CHN2: variants seen among roughly 807,000 people sequenced by gnomAD.
CHN2 encodes chimerin 2.
In CHN2, 35 loss-of-function variants were observed where a neutral mutation model predicts 56.3. That is an observed-to-expected ratio of 0.62 (90% confidence interval 0.47 to 0.82). The LOEUF (loss-of-function observed/expected upper bound fraction) is 0.82, where lower values mean the gene tolerates loss of function less well. Among genes scored for constraint, CHN2 ranks in the 40% least tolerant of loss-of-function variants. The pLI, the probability that CHN2 is intolerant of heterozygous loss-of-function variation, is 0.00. For missense variants in CHN2, 491 were observed against 580.5 expected, an observed-to-expected ratio of 0.85 and a Z score of 1.58; for synonymous variants, 210 against 212.8, an observed-to-expected ratio of 0.99 and a Z score of 0.12.
chr7:29,385,656 T>C (rs535747791), intron 3 of CHN2, among the ~76,000 whole-genome samples: 1 of 152,160 alleles, frequency 6.6e-6, no homozygotes, highest in Non-Finnish European at 1.5e-5. Context: ...CAGAGAACAA[T>C]GTGACGAGAT....
chr7:29,183,622 C>T (rs1170572314), intron 2 of CHN2, among the ~76,000 whole-genome samples: 6 of 151,900 alleles, frequency 3.9e-5, no homozygotes, highest in East Asian at 1.9e-4. Context: ...AGTGGTCTGC[C>T]GGTCTTGGCC....
Position 29,326,918 on chromosome 7 carries a change from C to A in CHN2, c.50-27707C>A, listed in dbSNP as rs185768178. Among the ~76,000 whole-genome samples, 22 of 152,224 alleles carry A rather than the reference C, an allele frequency of 1.4e-4. No individual in the cohort carries two copies. The East Asian group carries it at 3.9e-3, about 27-fold the overall frequency. On this transcript the variant is annotated intron_variant, in intron 1 of 12. Coordinates refer to ENST00000222792, the MANE Select transcript of CHN2 (RefSeq NM_004067.4). ...GCTTTAATGGGTTACCTCAATTAAC[C>A]CTTAAATTAATCCTATAGGATAGAT...
At chr7:29,250,175 A>G (rs1283486286) in intron 1 of CHN2, among the ~76,000 whole-genome samples, 1 of 152,258 alleles carries the variant, frequency 6.6e-6, no homozygotes, top group Admixed American at 6.5e-5. Flanking sequence ...GGATGAAAGA[A>G]AGAGAGCAGG....
rs112573068 is a variant in CHN2, at chr7:29,240,064, A to G, written c.49+45074A>G. ...CCCGCAGGCAGCCACCCTTTTACCAATGATGATCCCACTGAATGGGCTGAC... is the reference window on the plus strand; with the variant it reads ...CCCGCAGGCAGCCACCCTTTTACCAGTGATGATCCCACTGAATGGGCTGAC... On this transcript the variant is annotated intron_variant, in intron 1 of 12. Coordinates refer to ENST00000222792, the MANE Select transcript of CHN2 (RefSeq NM_004067.4). 1.1e-3 allele frequency among the ~76,000 whole-genome samples: 160 copies of G among 152,306 alleles called. 1 individual carries two copies. Among genetic ancestry groups the G allele is most frequent in the African/African-American group, 3.5e-3 (146 of 41,560 alleles).
rs536944830 is a variant in CHN2 at position 29,311,701 on chromosome 7, T to G, written c.50-42924T>G. Among the ~76,000 whole-genome samples, 3 of 152,354 alleles carry G rather than the reference T, an allele frequency of 2.0e-5. No homozygotes were observed. The South Asian group carries it at 6.2e-4, about 32-fold the overall frequency. ...CTACCACATTGTAGAGGGGGGATCA[T>G]GTGTTAAATTTATCTGTATTTTTTT... On this transcript the variant is annotated intron_variant, in intron 1 of 12. Coordinates refer to ENST00000222792, the MANE Select transcript of CHN2 (RefSeq NM_004067.4).
At chr7:29,150,755 A>G (rs1259879243) in intron 2 of CHN2, among the ~76,000 whole-genome samples, 2 of 152,294 alleles carry the variant, frequency 1.3e-5, no homozygotes, top group Middle Eastern at 3.4e-3. Flanking sequence ...TTCTATAGCC[A>G]TTGTTCCTTT....
intron 8 of CHN2, among the ~76,000 whole-genome samples, chr7:29,496,502 C>T (rs1789302337): frequency 6.6e-6 from 1 of 150,602 alleles, no homozygotes; most frequent in Non-Finnish European, 1.5e-5. Flanking sequence ...GGGGGAGATG[C>T]AATTATCCTC....
At chr7:29,369,287 CT>C (rs1053072752) in intron 3 of CHN2, among the ~76,000 whole-genome samples, 17 of 152,024 alleles carry the variant, frequency 1.1e-4, no homozygotes, top group African/African-American at 4.1e-4. Flanking sequence ...TGAAAAAAAA[CT>C]TTGTAAAATT....
chr7:29,191,602 A>T (rs1584666086), upstream of CHN2: 1 of 152,230 alleles, frequency 6.6e-6, no homozygotes, highest in Non-Finnish European at 1.5e-5. Flanking sequence ...GATAATTTTT[A>T]TTCTTAAGAA....
chr7:29,344,599 A>T (rs569058640), intron 1 of CHN2, among the ~76,000 whole-genome samples: 1 of 152,224 alleles, frequency 6.6e-6, no homozygotes, highest in African/African-American at 2.4e-5. Context: ...CTATCCATCC[A>T]CATAGACACT....
intron 8 of CHN2, among the ~76,000 whole-genome samples, chr7:29,498,758 CTTTTTT>C (rs138784356): frequency 1.0e-5 from 1 of 100,064 alleles, no homozygotes; most frequent in East Asian, 2.9e-4. Flanking sequence ...ACTATGCTGC[CTTTTTT>C]TTTTTTTTTT....
intron 6 of CHN2, among the ~76,000 whole-genome samples, chr7:29,441,035 A>T (rs922852554): frequency 6.6e-6 from 1 of 152,166 alleles, no homozygotes; most frequent in Non-Finnish European, 1.5e-5. Context: ...ATCACCTAAT[A>T]TTTGATATTT....
At chr7:29,284,978 C>G (rs1169469780) in intron 1 of CHN2, among the ~76,000 whole-genome samples, 1 of 152,174 alleles carries the variant, frequency 6.6e-6, no homozygotes, top group Admixed American at 6.5e-5. Context: ...TTTGATCTAG[C>G]CCAGTTGTTT....
chr7:29,200,597 GCAC>G, intron 1 of CHN2: 1 of 151,528 alleles, frequency 6.6e-6, no homozygotes, highest in East Asian at 1.9e-4. Flanking sequence ...AATCCTCTAG[GCAC>G]CTTCCTGCTT....
chr7:29,343,763 C>A (rs1270815242), intron 1 of CHN2, among the ~76,000 whole-genome samples: 2 of 152,008 alleles, frequency 1.3e-5, no homozygotes, highest in Admixed American at 1.3e-4. Context: ...TTCCCTCCCC[C>A]ACTCTCATGT....
chr7:29,152,077 G>C (rs952088886), intron 2 of CHN2, among the ~76,000 whole-genome samples: 4 of 152,168 alleles, frequency 2.6e-5, no homozygotes, highest in African/African-American at 9.7e-5. Flanking sequence ...ATGAAGAGTT[G>C]CATGATCCAA....
intron 6 of CHN2, among the ~76,000 whole-genome samples, chr7:29,475,870 G>A (rs544890752): frequency 8.5e-5 from 13 of 152,356 alleles, no homozygotes; most frequent in East Asian, 5.8e-4. Flanking sequence ...TTTGCCAGAG[G>A]TTGGGAGGAG....
intron 2 of CHN2, among the ~76,000 whole-genome samples, chr7:29,358,173 T>C (rs1209525724): frequency 6.6e-6 from 1 of 152,212 alleles, no homozygotes; most frequent in Non-Finnish European, 1.5e-5. Context: ...GCCATAACTT[T>C]GACTTATTTA....
At chr7:29,233,618 A>G (rs1196243690) in intron 1 of CHN2, among the ~76,000 whole-genome samples, 1 of 152,066 alleles carries the variant, frequency 6.6e-6, no homozygotes, top group African/African-American at 2.4e-5. Flanking sequence ...ATGTATTCAC[A>G]AGGGTCCTTT....
Sources: allele counts gnomAD v4.1 joint callset (sites outside exome capture counted in the v4.1 genomes callset), GRCh38; gene constraint gnomAD v4.1.1; transcripts MANE v1.5; gene names NCBI Gene and HGNC (gene_info 2026-07-23, HGNC 2026-07-21).